Variants in WDFY4 observed in about 807,000 individuals in gnomAD.
The protein encoded by WDFY4 is WD repeat- and FYVE domain-containing protein 4.
WDFY4 carries 169 observed loss-of-function variants against 351.9 expected under a neutral mutation model. That is an observed-to-expected ratio of 0.48 (90% CI 0.42 to 0.55). The LOEUF is 0.55. Ranked by LOEUF, WDFY4 falls within the 20% of genes least tolerant of loss-of-function variation. The pLI is 0.00. For missense variants in WDFY4, 3,803 were observed against 3,935.6 expected, an observed-to-expected ratio of 0.97 and a Z score of 0.90; for synonymous variants, 1,622 against 1,574.6, an observed-to-expected ratio of 1.03 and a Z score of -0.71.
At chr10:48,706,370 T>C (rs948950998) in intron 1 of WDFY4, among the ~76,000 whole-genome samples, 1 of 152,194 alleles carries the variant, frequency 6.6e-6, no homozygotes, top group East Asian at 1.9e-4. Context: ...AAAGAACCCA[T>C]GAAATGAGAA....
intron 47 of WDFY4, among the ~76,000 whole-genome samples, chr10:48,934,452 A>G (rs896400209): frequency 3.3e-5 from 5 of 152,178 alleles, no homozygotes; most frequent in Non-Finnish European, 5.9e-5. Flanking sequence ...ACTTGTGTGG[A>G]GTCACAAAGA....
intron 51 of WDFY4, among the ~76,000 whole-genome samples, chr10:48,956,022 C>T (rs1351318813): frequency 6.6e-6 from 1 of 152,256 alleles, no homozygotes; most frequent in Non-Finnish European, 1.5e-5. Flanking sequence ...GGCTCAATTT[C>T]AGAAACTGTC....
chr10:48,731,709 A>T, intron 9 of WDFY4, 147 bp downstream of exon 9: 1 of 1,035,570 alleles, frequency 9.7e-7, no homozygotes, highest in Non-Finnish European at 1.4e-6. Flanking sequence ...ACAGTTTCAC[A>T]AAAGACAGGC....
At chr10:48,716,130 G>A (rs1033822991) in intron 2 of WDFY4, among the ~76,000 whole-genome samples, 23 of 152,042 alleles carry the variant, frequency 1.5e-4, no homozygotes, top group African/African-American at 4.6e-4. Context: ...ACAGAGGAGA[G>A]GGTCTACTGC....
At chr10:48,723,237 C>T (rs1474691899) in intron 4 of WDFY4, among the ~76,000 whole-genome samples, 196 bp from the exon 5 acceptor site, 13 of 148,226 alleles carry the variant, frequency 8.8e-5, no homozygotes, top group Non-Finnish European at 1.2e-4. Context: ...ACATAGTAAG[C>T]ACTTTATATA....
At chr10:48,742,940 A>G (rs1026226029) in intron 11 of WDFY4, 28 bp from the exon 12 acceptor site, 6 of 1,524,730 alleles carry the variant, frequency 3.9e-6, no homozygotes, top group Non-Finnish European at 5.3e-6. Flanking sequence ...CCTGGAGTGC[A>G]CTCATTTTGA....
rs574056977 is a variant in WDFY4 at position 48,890,775 on chromosome 10, T to C, written c.7316+48T>C. The C allele has an allele frequency of 1.2e-5, 18 of 1,548,112 alleles. No homozygotes were observed. In the African/African-American group the frequency reaches 1.9e-4, roughly 16 times the overall value. On this transcript the variant is annotated intron_variant, in intron 44 of 61. Coordinates refer to ENST00000325239, the MANE Select transcript of WDFY4 (RefSeq NM_001394531.1). ...CAGATTCTTCCCTGAGCCCCATTCA[T>C]CCTTACCAGCCGCCCCCACTATTCC...
intron 39 of WDFY4, among the ~76,000 whole-genome samples, chr10:48,851,201 C>T (rs1175383223): frequency 6.6e-6 from 1 of 152,116 alleles, no homozygotes; most frequent in Admixed American, 6.5e-5. Context: ...TGGTGTCCAC[C>T]CAAAGAGGAT....
intron 1 of WDFY4, among the ~76,000 whole-genome samples, chr10:48,686,789 A>T (rs1384395697): frequency 6.6e-6 from 1 of 151,062 alleles, no homozygotes; most frequent in African/African-American, 2.4e-5. Context: ...TCAAGAGTTT[A>T]TTTTTTTTTC....
In WDFY4 at chr10:48,791,025, C is replaced by T. The variant is rs1411240106; in HGVS notation, c.4257+108C>T. ...AGTTGCATTCCCTCCAGGGTGACTT[C>T]TAGAGAAGGGCAGCCGAAAGCCCTT... is the stretch of plus-strand genomic sequence containing the variant. On this transcript the variant is annotated intron_variant, in intron 23 of 61. Coordinates refer to ENST00000325239, the MANE Select transcript of WDFY4 (RefSeq NM_001394531.1). 2.3e-5 allele frequency: 32 copies of T among 1,370,588 alleles called. No individual in the cohort carries two copies. The South Asian group carries it at 3.1e-4, about 13-fold the overall frequency. 84.9% of individuals were successfully genotyped at this position (1,370,588 alleles called of 1,614,324 possible). A position where few individuals can be genotyped will look rare whatever the true frequency, so the allele number is the denominator to read the frequency against.
chr10:48,861,010 G>A (rs2069321478), intron 39 of WDFY4, among the ~76,000 whole-genome samples: 1 of 152,050 alleles, frequency 6.6e-6, no homozygotes, highest in Non-Finnish European at 1.5e-5. Flanking sequence ...GGCTACCAAT[G>A]TGGGTTACTT....
chr10:48,893,616 G>A (rs1477862174), intron 44 of WDFY4, among the ~76,000 whole-genome samples: 16 of 152,222 alleles, frequency 1.1e-4, no homozygotes, highest in African/African-American at 3.9e-4. Context: ...CTCCATAGAT[G>A]GAAAGAGTGA....
chr10:48,954,686 C>T (rs1488892559), intron 51 of WDFY4, among the ~76,000 whole-genome samples: 1 of 152,198 alleles, frequency 6.6e-6, no homozygotes, highest in Non-Finnish European at 1.5e-5. Flanking sequence ...ACTTACAATA[C>T]AAGTAACAAA....
intron 23 of WDFY4, among the ~76,000 whole-genome samples, chr10:48,795,526 TATATATATAC>T (rs1565208042): frequency 1.0e-3 from 91 of 90,996 alleles, no homozygotes; most frequent in Admixed American, 2.1e-3. Flanking sequence ...TATATATACA[TATATATATAC>T]ACACACATGA....
chr10:48,940,154 G>C (rs994837404), intron 47 of WDFY4, among the ~76,000 whole-genome samples: 5 of 152,202 alleles, frequency 3.3e-5, no homozygotes, highest in African/African-American at 1.2e-4. Flanking sequence ...TCTCCAGCCT[G>C]GGCTCTGCCC....
intron 52 of WDFY4, among the ~76,000 whole-genome samples, chr10:48,958,657 G>C (rs984275779): frequency 5.3e-5 from 8 of 152,170 alleles, no homozygotes; most frequent in African/African-American, 1.9e-4. Context: ...GGCATGTCCT[G>C]AAGATGTTTA....
intron 39 of WDFY4, among the ~76,000 whole-genome samples, chr10:48,857,205 T>C (rs1433637416): frequency 3.3e-5 from 5 of 152,200 alleles, no homozygotes; most frequent in Non-Finnish European, 7.4e-5. Context: ...ATTTTTTTTT[T>C]GGTATTCAGA....
chr10:48,775,655 G>C, intron 14 of WDFY4, 57 bp from the exon 15 acceptor site: 1 of 1,485,342 alleles, frequency 6.7e-7, no homozygotes, highest in South Asian at 1.2e-5. Flanking sequence ...GATAAAGTTG[G>C]AGAACACTGT....
intron 39 of WDFY4, among the ~76,000 whole-genome samples, chr10:48,855,037 T>A (rs1431245530): frequency 2.0e-5 from 3 of 152,040 alleles, no homozygotes; most frequent in Non-Finnish European, 4.4e-5. Flanking sequence ...AACAGCAATA[T>A]TGAAAAAAAT....
Sources: gnomAD v4.1 joint callset for allele counts (sites outside exome capture counted in the v4.1 genomes callset) on GRCh38, gnomAD v4.1.1 for gene constraint, MANE v1.5 for transcripts, NCBI Gene and HGNC (gene_info 2026-07-23, HGNC 2026-07-21) for gene names.